Variants in DCC observed in about 807,000 individuals in gnomAD.
DCC encodes the protein netrin receptor DCC.
In DCC, 58 loss-of-function variants were observed where a neutral mutation model predicts 172.5. The ratio of observed to expected loss-of-function variants is 0.34; its 90% CI spans 0.27 to 0.42. The LOEUF is 0.42. DCC is among the 10% of genes least tolerant of loss of function. The pLI is 1.00. For synonymous variants in DCC, 709 were observed against 644.5 expected, an observed-to-expected ratio of 1.10 and a Z score of -1.52; for missense variants, 1,740 against 1,791.0, an observed-to-expected ratio of 0.97 and a Z score of 0.51.
intron 18 of DCC, among the ~76,000 whole-genome samples, chr18:53,397,701 C>G (rs986840881): frequency 1.3e-5 from 2 of 152,186 alleles, no homozygotes; most frequent in African/African-American, 4.8e-5. Context: ...CTCAGGGGAT[C>G]TGACTATAAA....
intron 2 of DCC, among the ~76,000 whole-genome samples, chr18:52,848,287 A>G (rs914854121): frequency 2.2e-4 from 34 of 152,092 alleles, no homozygotes; most frequent in Admixed American, 8.5e-4. Flanking sequence ...GGGTTTTGCC[A>G]TGTTGGCCAG....
intron 1 of DCC, among the ~76,000 whole-genome samples, chr18:52,407,903 A>C (rs1986708147): frequency 6.6e-6 from 1 of 152,042 alleles, no homozygotes; most frequent in Non-Finnish European, 1.5e-5. Flanking sequence ...ATAATCAAAA[A>C]ATTCCTTTAG....
At chr18:52,948,180 G>C (rs925323916) in intron 5 of DCC, among the ~76,000 whole-genome samples, 1 of 152,074 alleles carries the variant, frequency 6.6e-6, no homozygotes, top group Non-Finnish European at 1.5e-5. Flanking sequence ...GTGATATCAT[G>C]GGTATTTTAT....
chr18:53,164,100 G>T (rs935701321), intron 8 of DCC, among the ~76,000 whole-genome samples: 6 of 152,150 alleles, frequency 3.9e-5, no homozygotes, highest in African/African-American at 1.4e-4. Context: ...GGATTAACCT[G>T]CAAGAGAACT....
intron 7 of DCC, among the ~76,000 whole-genome samples, chr18:53,115,176 G>T (rs1400969064): frequency 6.6e-6 from 1 of 151,650 alleles, no homozygotes; most frequent in Non-Finnish European, 1.5e-5. Flanking sequence ...GTAATTTGTT[G>T]TATGGCATAG....
At chr18:53,089,191 T>C (rs2042965522) in intron 7 of DCC, among the ~76,000 whole-genome samples, 1 of 152,138 alleles carries the variant, frequency 6.6e-6, no homozygotes, top group Non-Finnish European at 1.5e-5. Flanking sequence ...GCTCAAGTGA[T>C]TCTCCTGCCT....
At chr18:53,257,034 A>G (rs1489829369) in intron 12 of DCC, among the ~76,000 whole-genome samples, 1 of 152,152 alleles carries the variant, frequency 6.6e-6, no homozygotes, top group Non-Finnish European at 1.5e-5. Context: ...GGTGTATAAG[A>G]ATGCTTGTGA....
intron 15 of DCC, among the ~76,000 whole-genome samples, chr18:53,341,857 C>T (rs1168992080): frequency 6.6e-6 from 1 of 152,080 alleles, no homozygotes; most frequent in Non-Finnish European, 1.5e-5. Context: ...TTAAAATCAA[C>T]ACATCAGTTT....
chr18:52,559,599 A>G (rs920810445), intron 1 of DCC, among the ~76,000 whole-genome samples: 7 of 152,174 alleles, frequency 4.6e-5, no homozygotes, highest in Admixed American at 3.9e-4. Flanking sequence ...AGGTACTGCA[A>G]TATGAAATAA....
chr18:53,453,892 A>G (rs959152303), intron 23 of DCC, among the ~76,000 whole-genome samples: 8 of 152,194 alleles, frequency 5.3e-5, no homozygotes, highest in South Asian at 2.1e-4. Flanking sequence ...AAAATTCCCA[A>G]TGGAATACTT....
At chr18:53,119,504 G>A (rs1407971454) in intron 7 of DCC, among the ~76,000 whole-genome samples, 1 of 151,814 alleles carries the variant, frequency 6.6e-6, no homozygotes, top group African/African-American at 2.4e-5. Context: ...CACTCTTGTA[G>A]AAATTAGAAA....
chr18:52,340,762 C>G lies in DCC; in HGVS notation c.-26C>G, dbSNP rs780915967. The G allele has an allele frequency of 1.3e-6, 2 of 1,592,286 alleles. No homozygotes were observed. Among genetic ancestry groups the G allele is most frequent in the African/African-American group, 2.7e-5 (2 of 74,492 alleles). ...TGAGTGCTGCCGCTGCCCGCGACCCCTGGCCCCGAAGGTGTTGGCTGAAAT... is the reference window on the plus strand; with the variant it reads ...TGAGTGCTGCCGCTGCCCGCGACCCGTGGCCCCGAAGGTGTTGGCTGAAAT... On this transcript the variant is annotated 5_prime_UTR_variant, in exon 1 of 29. Transcript: ENST00000442544.
At chr18:52,960,346 C>T (rs1027259309) in intron 5 of DCC, among the ~76,000 whole-genome samples, 1 of 152,094 alleles carries the variant, frequency 6.6e-6, no homozygotes, top group African/African-American at 2.4e-5. Flanking sequence ...ACATTGCCAG[C>T]AGAAATCAGG....
rs551724858 is a variant in DCC at position 53,530,180 on chromosome 18, G to C, written c.4255-384G>C. The C allele has an allele frequency of 3.2e-4, 200 of 623,586 alleles. 1 individual carries two copies. Among genetic ancestry groups the C allele is most frequent in the Non-Finnish European group, 5.3e-4 (187 of 349,702 alleles). The allele number at this position is 623,586 out of a possible 1,614,324, so 38.6% of individuals were successfully genotyped here. ...TATCATGGGTACTAAACATGTTACA[G>C]GAGGCTCAGAATAGCCTATGAAATA... is the stretch of plus-strand genomic sequence containing the variant. On this transcript the variant is annotated intron_variant, in intron 28 of 28. Transcript: ENST00000442544.
chr18:52,943,719 A>G (rs1222575927), intron 5 of DCC, among the ~76,000 whole-genome samples: 2 of 143,972 alleles, frequency 1.4e-5, no homozygotes, highest in African/African-American at 5.1e-5. Flanking sequence ...GTAATTTTCC[A>G]AAGGACTGGC....
At chr18:53,065,949 G>C in intron 6 of DCC, 97 bp from the exon 7 acceptor site, 1 of 1,440,124 alleles carries the variant, frequency 6.9e-7, no homozygotes, top group Non-Finnish European at 9.7e-7. Context: ...TGTTTCTTCT[G>C]TGCTGTTTTA....
chr18:52,679,410 T>C (rs2035702861), intron 1 of DCC, among the ~76,000 whole-genome samples: 2 of 152,092 alleles, frequency 1.3e-5, no homozygotes, highest in South Asian at 2.1e-4. Flanking sequence ...TTGATGATGA[T>C]GATTTATAGC....
chr18:52,895,753 A>G (rs1350931484), intron 2 of DCC, among the ~76,000 whole-genome samples: 1 of 152,132 alleles, frequency 6.6e-6, no homozygotes, highest in African/African-American at 2.4e-5. Flanking sequence ...ATACTTATGT[A>G]TGGATTCCTA....
intron 1 of DCC, among the ~76,000 whole-genome samples, chr18:52,512,104 T>A (rs1310569260): frequency 6.6e-6 from 1 of 152,154 alleles, no homozygotes; most frequent in Admixed American, 6.5e-5. Flanking sequence ...AAGCTAATGA[T>A]CTTAGTGAGG....
Sources: allele counts gnomAD v4.1 joint callset (sites outside exome capture counted in the v4.1 genomes callset), GRCh38; gene constraint gnomAD v4.1.1; transcripts MANE v1.5; gene names NCBI Gene and HGNC (gene_info 2026-07-23, HGNC 2026-07-21).